Variants in MMP16 observed in about 807,000 individuals in gnomAD.
MMP16 encodes matrix metallopeptidase 16, also known as matrix metalloproteinase-16.
MMP16 carries 12 observed loss-of-function variants against 67.8 expected under a neutral mutation model. That is an observed-to-expected ratio of 0.18 (90% CI 0.11 to 0.29). The LOEUF is 0.29. MMP16 is among the 10% of genes least tolerant of loss of function. The probability of loss-of-function intolerance (pLI) is 1.00; values close to 1 mark genes in which losing one functional copy is unlikely to be tolerated. For missense variants in MMP16, 475 were observed against 765.7 expected, an observed-to-expected ratio of 0.62 and a Z score of 4.48; for synonymous variants, 249 against 255.9, an observed-to-expected ratio of 0.97 and a Z score of 0.26.
At chr8:88,219,109 T>C (rs143622956) in intron 1 of MMP16, among the ~76,000 whole-genome samples, 2 of 151,564 alleles carry the variant, frequency 1.3e-5, no homozygotes, top group African/African-American at 2.4e-5. Flanking sequence ...AAAAGGTATA[T>C]AGACTATGAT....
At chr8:88,177,262 G>T (rs1041746689) in intron 3 of MMP16, among the ~76,000 whole-genome samples, 2 of 152,132 alleles carry the variant, frequency 1.3e-5, no homozygotes, top group Non-Finnish European at 2.9e-5. Flanking sequence ...TGCAGTCTCT[G>T]CTTCGATATA....
At chr8:88,044,425 C>A (rs1044911795) in intron 9 of MMP16, among the ~76,000 whole-genome samples, 4 of 152,198 alleles carry the variant, frequency 2.6e-5, no homozygotes, top group African/African-American at 9.6e-5. Context: ...CTTGATCCTG[C>A]AAAATTCATC....
intron 6 of MMP16, 144 bp from the exon 7 acceptor site, chr8:88,074,887 C>G (rs541479843): frequency 9.2e-7 from 1 of 1,091,414 alleles, no homozygotes; most frequent in South Asian, 1.7e-5. Context: ...AGCTAAACAA[C>G]TTGACCGCAA....
intron 3 of MMP16, among the ~76,000 whole-genome samples, chr8:88,174,544 TA>T (rs1230973574): frequency 6.6e-6 from 1 of 152,320 alleles, no homozygotes; most frequent in Admixed American, 6.5e-5. Context: ...ATTTTTGGTT[TA>T]AATACTTCCA....
At chr8:88,125,497 C>T (rs953834901) in intron 4 of MMP16, among the ~76,000 whole-genome samples, 2 of 151,876 alleles carry the variant, frequency 1.3e-5, no homozygotes, top group Non-Finnish European at 2.9e-5. Context: ...TTTAATTAAA[C>T]AAATATTTTA....
intron 1 of MMP16, among the ~76,000 whole-genome samples, chr8:88,306,855 C>G (rs1365836358): frequency 6.6e-6 from 1 of 152,130 alleles, no homozygotes; most frequent in Non-Finnish European, 1.5e-5. Flanking sequence ...AAGCATTCCC[C>G]TTGAAAATTG....
intron 4 of MMP16, among the ~76,000 whole-genome samples, chr8:88,138,227 A>G (rs1808155440): frequency 6.6e-6 from 1 of 151,994 alleles, no homozygotes; most frequent in African/African-American, 2.4e-5. Flanking sequence ...AAAAAGACTT[A>G]AAATTGGGCA....
At chr8:88,232,087 C>T (rs932360260) in intron 1 of MMP16, among the ~76,000 whole-genome samples, 7 of 152,124 alleles carry the variant, frequency 4.6e-5, no homozygotes, top group African/African-American at 1.4e-4. Flanking sequence ...CATACATTTA[C>T]TTCCAGATTC....
chr8:88,153,395 C>T (rs1369588534), intron 4 of MMP16, among the ~76,000 whole-genome samples: 1 of 152,110 alleles, frequency 6.6e-6, no homozygotes, highest in South Asian at 2.1e-4. Flanking sequence ...CAAAAAAGAG[C>T]CCGCATCACC....
intron 1 of MMP16, among the ~76,000 whole-genome samples, chr8:88,253,225 A>G (rs1234890340): frequency 2.0e-5 from 3 of 151,946 alleles, no homozygotes; most frequent in Non-Finnish European, 4.4e-5. Flanking sequence ...TTCCATACAT[A>G]TTTTCTCATT....
intron 3 of MMP16, among the ~76,000 whole-genome samples, chr8:88,180,143 TG>T (rs1295140203): frequency 1.3e-5 from 2 of 151,998 alleles, no homozygotes; most frequent in African/African-American, 4.8e-5. Context: ...TAGCCTGGCA[TG>T]GTGGCACACG....
chr8:88,316,574 A>C (rs56322839), intron 1 of MMP16, among the ~76,000 whole-genome samples: 15,390 of 152,190 alleles, frequency 0.1, 928 homozygotes, highest in South Asian at 0.17. Context: ...CTTACTGCTC[A>C]GGAAAAAGAG....
intron 4 of MMP16, among the ~76,000 whole-genome samples, chr8:88,158,874 T>C (rs1446557833): frequency 1.3e-5 from 2 of 152,210 alleles, no homozygotes; most frequent in East Asian, 3.8e-4. Context: ...AGTTTCAGCT[T>C]TCTATATACG....
chr8:88,034,669 C>T lies in MMP16; in HGVS notation c.*6792G>A, dbSNP rs1033772094. On this transcript the variant is annotated 3_prime_UTR_variant, in exon 10 of 10. Coordinates refer to ENST00000286614, the MANE Select transcript of MMP16 (RefSeq NM_005941.5). ...CATATTACTACCAAAATCATTCATT[C>T]AAGCAAAGTATATTTTATCTTAACA... is the stretch of plus-strand genomic sequence containing the variant. 2 of 151,900 alleles carry T rather than the reference C, an allele frequency of 1.3e-5. No homozygotes were observed. The highest frequency in any genetic ancestry group is 4.8e-5 in the African/African-American group (2 of 41,394). 9.4% of individuals were successfully genotyped at this position (151,900 alleles called of 1,614,324 possible). A position where few individuals can be genotyped will look rare whatever the true frequency, so the allele number is the denominator to read the frequency against.
At chr8:88,055,610 A>C (rs753573742) in intron 8 of MMP16, among the ~76,000 whole-genome samples, 5 of 152,244 alleles carry the variant, frequency 3.3e-5, no homozygotes, top group Non-Finnish European at 5.9e-5. Flanking sequence ...GGGAAAAAAT[A>C]TTATACTTCA....
At chr8:88,227,386 T>A (rs551595643) in intron 1 of MMP16, among the ~76,000 whole-genome samples, 1 of 152,076 alleles carries the variant, frequency 6.6e-6, no homozygotes, top group African/African-American at 2.4e-5. Context: ...ACCACAGAAA[T>A]AGTTCAGATT....
intron 1 of MMP16, among the ~76,000 whole-genome samples, chr8:88,280,074 G>A (rs7817382): frequency 0.71 from 108,572 of 152,024 alleles, 39,306 homozygotes; most frequent in East Asian, 0.94. Flanking sequence ...GTCTCCCTCT[G>A]TAGATAATCT....
intron 4 of MMP16, among the ~76,000 whole-genome samples, chr8:88,137,403 A>G (rs140399738): frequency 6.8e-4 from 104 of 152,098 alleles, no homozygotes; most frequent in Non-Finnish European, 1.3e-3. Context: ...AAAGCTGTCA[A>G]TATCACTGTC....
At chr8:88,308,357 C>T (rs1035423533) in intron 1 of MMP16, among the ~76,000 whole-genome samples, 2 of 152,054 alleles carry the variant, frequency 1.3e-5, no homozygotes, top group Admixed American at 6.6e-5. Flanking sequence ...AATGCTTTTG[C>T]CATTATCAAG....
Sources: gnomAD v4.1 joint callset for allele counts (sites outside exome capture counted in the v4.1 genomes callset) on GRCh38, gnomAD v4.1.1 for gene constraint, MANE v1.5 for transcripts, NCBI Gene and HGNC (gene_info 2026-07-23, HGNC 2026-07-21) for gene names.